Variants in SYT1 observed in about 807,000 individuals in gnomAD.
SYT1 encodes the protein synaptotagmin-1.
SYT1 carries 8 observed loss-of-function variants against 44.8 expected under a neutral mutation model. The observed-to-expected ratio is 0.18, with a 90% CI of 0.10 to 0.32. SYT1 has a LOEUF of 0.32. Ranked by LOEUF, SYT1 falls within the 10% of genes least tolerant of loss-of-function variation. SYT1 has a pLI of 1.00. For missense variants in SYT1, 286 were observed against 509.3 expected (o/e 0.56, Z 4.22); for synonymous variants, 154 against 188.8 (o/e 0.82, Z 1.51).
intron 3 of SYT1, among the ~76,000 whole-genome samples, chr12:79,081,441 A>G (rs1437316875): frequency 6.7e-6 from 1 of 150,296 alleles, no homozygotes; most frequent in Non-Finnish European, 1.5e-5. Context: ...GTGCAGTGGC[A>G]TGATCTTGGC....
chr12:79,147,664 T>C (rs1870005208), intron 3 of SYT1, among the ~76,000 whole-genome samples: 1 of 152,130 alleles, frequency 6.6e-6, no homozygotes, highest in Non-Finnish European at 1.5e-5. Context: ...AGCTAATAAT[T>C]AACTTGAACA....
At chr12:79,446,078 T>A (rs1210847307) in intron 10 of SYT1, among the ~76,000 whole-genome samples, 1 of 137,282 alleles carries the variant, frequency 7.3e-6, no homozygotes, top group Non-Finnish European at 1.6e-5. Flanking sequence ...GTAATCTCAT[T>A]TCATACTTAG....
At chr12:79,214,124 C>G (rs1215373202) in intron 3 of SYT1, among the ~76,000 whole-genome samples, 2 of 152,136 alleles carry the variant, frequency 1.3e-5, no homozygotes, top group Non-Finnish European at 2.9e-5. Context: ...AAATAAAACA[C>G]TAGGCAATCC....
chr12:79,115,806 C>T (rs2138109405), intron 3 of SYT1, among the ~76,000 whole-genome samples: 1 of 152,288 alleles, frequency 6.6e-6, no homozygotes, highest in Middle Eastern at 3.4e-3. Context: ...TATTGCTCAG[C>T]ATGCCATCCA....
In SYT1 at chr12:79,222,679, G is replaced by A. The variant is rs1875247508; in HGVS notation, c.166+4994G>A. Among the ~76,000 whole-genome samples, 4 of 152,188 alleles carry A rather than the reference G, an allele frequency of 2.6e-5. No individual in the cohort carries two copies. In the South Asian group the frequency reaches 8.3e-4, roughly 32 times the overall value. On this transcript the variant is annotated intron_variant, in intron 4 of 10. Transcript: ENST00000261205. ...ATTCCAGGCGTGAGCCACTGCACCT[G>A]GCCTACTTTAAATAAGCTCCCCACT...
At chr12:79,234,448 A>G (rs1479895472) in intron 4 of SYT1, among the ~76,000 whole-genome samples, 2 of 152,208 alleles carry the variant, frequency 1.3e-5, no homozygotes, top group Non-Finnish European at 2.9e-5. Flanking sequence ...GCAGTTATTA[A>G]TCTGCTTTTC....
intron 3 of SYT1, among the ~76,000 whole-genome samples, chr12:79,152,974 C>A (rs1007408387): frequency 1.3e-5 from 2 of 151,242 alleles, no homozygotes; most frequent in African/African-American, 2.4e-5. Flanking sequence ...AAAATTATTA[C>A]CCTTCTCATT....
chr12:79,243,867 A>T (rs541126141), intron 4 of SYT1, among the ~76,000 whole-genome samples: 4 of 151,978 alleles, frequency 2.6e-5, no homozygotes, highest in Non-Finnish European at 5.9e-5. Context: ...GTGAGATGGA[A>T]GGAAGGAGGG....
At chr12:79,193,464 T>A (rs1364906324) in intron 3 of SYT1, among the ~76,000 whole-genome samples, 2 of 152,172 alleles carry the variant, frequency 1.3e-5, no homozygotes, top group Non-Finnish European at 2.9e-5. Flanking sequence ...ATCAATATGG[T>A]GAGTTAATTA....
At chr12:78,998,478 A>G (rs530313773) in intron 2 of SYT1, among the ~76,000 whole-genome samples, 1 of 152,316 alleles carries the variant, frequency 6.6e-6, no homozygotes, top group South Asian at 2.1e-4. Flanking sequence ...CTGTGCCATG[A>G]CATAACACCC....
In SYT1 at chr12:79,224,565, A is replaced by C. The variant is rs568468810; in HGVS notation, c.166+6880A>C. 2.6e-5 allele frequency among the ~76,000 whole-genome samples: 4 copies of C among 152,056 alleles called. No individual in the cohort carries two copies. In the South Asian group the frequency reaches 8.3e-4, roughly 32 times the overall value. ...AGCCCAGTGTGCCTTAAGTAGATTG[A>C]ACGAGGTGGAGACTGGCAGAAGATA... On this transcript the variant is annotated intron_variant, in intron 4 of 10. Coordinates refer to ENST00000261205, the MANE Select transcript of SYT1 (RefSeq NM_005639.3).
rs150707229 is a variant in SYT1 at position 79,016,645 on chromosome 12, C to T, written c.-83-30652C>T. On this transcript the variant is annotated intron_variant, in intron 2 of 10. Transcript: ENST00000261205. ...AAATCCCTGAGCATTAAATGGGTAG[C>T]AATGCTTACTGCAACTTAATTTGAA... is the stretch of plus-strand genomic sequence containing the variant. Among the ~76,000 whole-genome samples the T allele has an allele frequency of 2.2e-3, 339 of 152,120 alleles. 3 individuals carry two copies. The highest frequency in any genetic ancestry group is 3.4e-3 in the Middle Eastern group (1 of 294).
At chr12:79,328,697 T>C (rs1487463039) in intron 8 of SYT1, among the ~76,000 whole-genome samples, 3 of 151,840 alleles carry the variant, frequency 2.0e-5, no homozygotes, top group Non-Finnish European at 4.4e-5. Flanking sequence ...ATACAAAAAA[T>C]TAGCCGGGCG....
chr12:78,882,530 T>A (rs540971451), intron 1 of SYT1, among the ~76,000 whole-genome samples: 1 of 151,824 alleles, frequency 6.6e-6, no homozygotes, highest in Non-Finnish European at 1.5e-5. Flanking sequence ...TATAGTAGTA[T>A]GAATAATTTG....
intron 4 of SYT1, among the ~76,000 whole-genome samples, chr12:79,256,414 T>A (rs1300571696): frequency 6.6e-6 from 1 of 152,042 alleles, no homozygotes; most frequent in African/African-American, 2.4e-5. Context: ...ATCCAGGGAA[T>A]TTTTTTTCTT....
At chr12:79,136,828 C>A (rs1565822192) in intron 3 of SYT1, among the ~76,000 whole-genome samples, 1 of 152,078 alleles carries the variant, frequency 6.6e-6, no homozygotes, top group African/African-American at 2.4e-5. Flanking sequence ...TGGCAGTGAT[C>A]AATTTTAAAT....
At chr12:79,116,470 A>G (rs1378986097) in intron 3 of SYT1, among the ~76,000 whole-genome samples, 1 of 152,176 alleles carries the variant, frequency 6.6e-6, no homozygotes, top group Non-Finnish European at 1.5e-5. Flanking sequence ...ATCCACACAA[A>G]TCAAGCAAAA....
chr12:79,417,949 T>G (rs1868855443), intron 9 of SYT1, among the ~76,000 whole-genome samples: 1 of 152,116 alleles, frequency 6.6e-6, no homozygotes, highest in African/African-American at 2.4e-5. Flanking sequence ...TCCCAGGCAA[T>G]GCTGGGAACA....
intron 3 of SYT1, among the ~76,000 whole-genome samples, chr12:79,161,103 T>C (rs992536504): frequency 7.2e-5 from 11 of 151,854 alleles, no homozygotes; most frequent in African/African-American, 2.2e-4. Flanking sequence ...TAGCCAGGTA[T>C]GGTGGGTGCA....
Sources: gnomAD v4.1 joint callset for allele counts (sites outside exome capture counted in the v4.1 genomes callset) on GRCh38, gnomAD v4.1.1 for gene constraint, MANE v1.5 for transcripts, NCBI Gene and HGNC (gene_info 2026-07-23, HGNC 2026-07-21) for gene names.